The following CRNKL1 variants were observed in gnomAD, a reference collection of about 807,000 sequenced individuals.
CRNKL1 encodes the protein crooked neck-like protein 1.
A neutral mutation model predicts 103.7 loss-of-function variants in CRNKL1; 35 were observed. The ratio of observed to expected loss-of-function variants is 0.34; its 90% CI spans 0.26 to 0.45. The LOEUF (loss-of-function observed/expected upper bound fraction) is 0.45. Among genes scored for constraint, CRNKL1 ranks in the 20% least tolerant of loss-of-function variants. The pLI, the probability that CRNKL1 is intolerant of heterozygous loss-of-function variation, is 1.00. For missense variants in CRNKL1, 645 were observed against 836.0 expected, an observed-to-expected ratio of 0.77 and a Z score of 2.82; for synonymous variants, 267 against 282.6, an observed-to-expected ratio of 0.94 and a Z score of 0.55.
chr20:20,040,321 CCAAA>C (rs1403083047), intron 10 of CRNKL1, among the ~76,000 whole-genome samples: 1 of 140,676 alleles, frequency 7.1e-6, no homozygotes, highest in African/African-American at 2.7e-5. Flanking sequence ...CAAAAAAAAA[CCAAA>C]CAAACAAAAA....
rs1351824382 is a variant in CRNKL1, at chr20:20,034,759, T to G, written c.*1436A>C. 5.3e-5 allele frequency: 8 copies of G among 152,232 alleles called. No individual in the cohort carries two copies. Among genetic ancestry groups the G allele is most frequent in the Admixed American group, 4.6e-4 (7 of 15,284 alleles). 9.4% of individuals were successfully genotyped at this position (152,232 alleles called of 1,614,324 possible). A position where few individuals can be genotyped will look rare whatever the true frequency, so the allele number is the denominator to read the frequency against. ...GCAGTCAGGCTGAAAACAGATTTTA[T>G]CTCAACAACAGTCCTAGTTTCTTCT... On this transcript the variant is annotated 3_prime_UTR_variant, in exon 14 of 14. Coordinates refer to ENST00000536226, the MANE Select transcript of CRNKL1 (RefSeq NM_001278628.2).
rs753891377 is a variant in CRNKL1 at position 20,037,358 on chromosome 20, C to T, written c.1861G>A (p.Val621Ile). ...GTCTGGACCTTTCTTCTCTTCTTGACTTTCTCTGGCATGAGTTTGTCTACT... is the reference window on the plus strand; with the variant it reads ...GTCTGGACCTTTCTTCTCTTCTTGATTTTCTCTGGCATGAGTTTGTCTACT... Reference protein sequence around the residue: ...ERVDKLMPEKVKKRRKVQTDD... With the variant: ...ERVDKLMPEKIKKRRKVQTDD... The change falls in exon 13 of 14, where the codon GTC (valine) becomes ATC (isoleucine). Residue 621 changes from valine (V) to isoleucine (I), a missense_variant. Transcript: ENST00000536226. 35 of 1,614,060 alleles carry T rather than the reference C, an allele frequency of 2.2e-5. No individual in the cohort carries two copies. Among genetic ancestry groups the T allele is most frequent in the East Asian group, 4.5e-5 (2 of 44,886 alleles).
intron 1 of CRNKL1, 143 bp from the exon 2 acceptor site, chr20:20,050,765 T>C: frequency 4.7e-6 from 3 of 641,324 alleles, no homozygotes; most frequent in Admixed American, 3.5e-5. Flanking sequence ...CATTCCTCCA[T>C]GAGACTGAAA....
At chr20:20,051,616 G>C (rs1467240461) in intron 1 of CRNKL1, among the ~76,000 whole-genome samples, 1 of 152,194 alleles carries the variant, frequency 6.6e-6, no homozygotes, top group Non-Finnish European at 1.5e-5. Flanking sequence ...GTTATGTAAA[G>C]GTCCAGTTCA....
rs888511317 is a variant in CRNKL1, at chr20:20,049,502, A to G, written c.205-71T>C. On this transcript the variant is annotated intron_variant, in intron 2 of 13. Coordinates refer to ENST00000536226, the MANE Select transcript of CRNKL1 (RefSeq NM_001278628.2). Reference sequence around the variant, plus strand: ...AATGACAGCACCCTTGGTCTATTTTAAGTCTTGTACTAAAATGGTTATTCA... The same window carrying G: ...AATGACAGCACCCTTGGTCTATTTTGAGTCTTGTACTAAAATGGTTATTCA... 17 of 765,430 alleles carry G rather than the reference A, an allele frequency of 2.2e-5. No individual in the cohort carries two copies. The South Asian group carries it at 2.8e-4, about 12-fold the overall frequency. 47.4% of individuals were successfully genotyped at this position (765,430 alleles called of 1,614,324 possible).
At chr20:20,038,035 C>T (rs1169499789) in intron 12 of CRNKL1, among the ~76,000 whole-genome samples, 3 of 150,772 alleles carry the variant, frequency 2.0e-5, no homozygotes, top group Non-Finnish European at 4.4e-5. Context: ...TGCAGTGAGC[C>T]GAGATAACGC....
In CRNKL1 at chr20:20,037,339, A is replaced by G. The variant is rs1043761510; in HGVS notation, c.1880T>C (p.Val627Ala). 1.2e-6 allele frequency: 2 copies of G among 1,613,948 alleles called. No individual in the cohort carries two copies. The highest frequency in any genetic ancestry group is 1.7e-6 in the Non-Finnish European group (2 of 1,180,006). The change falls in exon 13 of 14, where the codon GTC (valine) becomes GCC (alanine). Residue 627 changes from valine to alanine, a missense_variant. Val to Ala is a moderately conservative substitution (Grantham distance 64). Transcript: ENST00000536226. ...MPEKVKKRRK[V>A]QTDDGSDAGW... The stretch of plus-strand genomic sequence containing the variant: ...AGTTCTTACCCCATCATCAGTCTGG[A>G]CCTTTCTTCTCTTCTTGACTTTCTC...
intron 2 of CRNKL1, 96 bp from the exon 3 acceptor site, chr20:20,049,527 A>C (rs2043651339): frequency 1.6e-6 from 1 of 638,944 alleles, no homozygotes; most frequent in East Asian, 2.7e-5. Flanking sequence ...ATGGTTATTC[A>C]TTTTGTTCAT....
At chr20:20,038,219 T>G (rs2043453808) in intron 12 of CRNKL1, 130 bp downstream of exon 12, 1 of 612,282 alleles carries the variant, frequency 1.6e-6, no homozygotes, top group African/African-American at 1.9e-5. Flanking sequence ...ACGTTTCTCT[T>G]GAAAAGCAAG....
intron 1 of CRNKL1, among the ~76,000 whole-genome samples, chr20:20,051,852 G>A (rs2043751554): frequency 6.6e-6 from 1 of 152,084 alleles, no homozygotes; most frequent in Non-Finnish European, 1.5e-5. Context: ...CAGCTTAAAG[G>A]TCATTTCCTC....
In CRNKL1 at chr20:20,036,372, T is replaced by TA. The variant is rs753223952; in HGVS notation, c.1897-11dup. The TA allele has an allele frequency of 6.2e-7, 1 of 1,613,652 alleles. No homozygotes were observed. Among genetic ancestry groups the TA allele is most frequent in the Non-Finnish European group, 8.5e-7 (1 of 1,179,784 alleles). Reference sequence around the variant, plus strand: ...CCCAGCCTGCATCAGACTACAGAAATAAAAAATGAAAAGATAAGCAAACGT... The same window carrying TA: ...CCCAGCCTGCATCAGACTACAGAAATAAAAAAATGAAAAGATAAGCAAACGT... On this transcript the variant is annotated splice_polypyrimidine_tract_variant and intron_variant, in intron 13 of 13. Coordinates refer to ENST00000536226, the MANE Select transcript of CRNKL1 (RefSeq NM_001278628.2).
chr20:20,051,151 C>T (rs917803230), intron 1 of CRNKL1, among the ~76,000 whole-genome samples: 5 of 152,184 alleles, frequency 3.3e-5, no homozygotes, highest in African/African-American at 9.7e-5. Flanking sequence ...TAGAGCTGTG[C>T]TGTCCAACAC....
In CRNKL1 at chr20:20,047,877, C is replaced by T; in HGVS notation, c.510G>A (p.Gln170=). ...GCCACTCCATCCAGCGCTCAAACACCTGCCGGGCACCGGCAACGTTTCCCA... is the reference window on the plus strand; with the variant it reads ...GCCACTCCATCCAGCGCTCAAACACTTGCCGGGCACCGGCAACGTTTCCCA... The part of the protein sequence containing the change: ...EMLGNVAGAR[Q]VFERWMEWQP... Residue 170 remains glutamine, a synonymous_variant, in exon 5 of 14, where the codon CAG becomes CAA. Coordinates refer to ENST00000536226, the MANE Select transcript of CRNKL1 (RefSeq NM_001278628.2). The T allele has an allele frequency of 1.2e-6, 2 of 1,614,264 alleles. No individual in the cohort carries two copies. Among genetic ancestry groups the T allele is most frequent in the South Asian group, 2.2e-5 (2 of 91,088 alleles).
chr20:20,039,949 T>A, intron 10 of CRNKL1, 101 bp from the exon 11 acceptor site: 2 of 1,245,558 alleles, frequency 1.6e-6, no homozygotes, highest in Admixed American at 4.3e-5. Context: ...GGAAGAATCT[T>A]GCAAAGTCAA....
chr20:20,040,826 T>A, intron 9 of CRNKL1, 60 bp from the exon 10 acceptor site: 1 of 1,187,858 alleles, frequency 8.4e-7, no homozygotes, highest in Non-Finnish European at 1.2e-6. Flanking sequence ...TAAATTGAAT[T>A]AAAATTAATT....
At chr20:20,050,239 G>A (rs1313897462) in intron 2 of CRNKL1, among the ~76,000 whole-genome samples, 1 of 152,186 alleles carries the variant, frequency 6.6e-6, no homozygotes, top group Non-Finnish European at 1.5e-5. Flanking sequence ...CTTTGATTCA[G>A]CATCAAAAAT....
At position 20,045,438 on chromosome 20, in the gene CRNKL1, A is replaced by T; in HGVS notation, c.671T>A (p.Phe224Tyr). Residue 224 changes from phenylalanine (F) to tyrosine (Y), a missense_variant, in exon 6 of 14, where the codon TTT (phenylalanine) becomes TAT (tyrosine). Phe to Tyr is a conservative substitution (Grantham distance 22). Coordinates refer to ENST00000536226, the MANE Select transcript of CRNKL1 (RefSeq NM_001278628.2). The stretch of plus-strand genomic sequence containing the variant: ...GGCAAAATAAGCATGTTTTTCTTCA[A>T]AGCGGGCATACTTGATCCAGTTCTT... ...DVKNWIKYARFEEKHAYFAHA... is the reference protein window; with the variant it reads ...DVKNWIKYARYEEKHAYFAHA... The T allele has an allele frequency of 6.2e-7, 1 of 1,613,410 alleles. No individual in the cohort carries two copies. Among genetic ancestry groups the T allele is most frequent in the Non-Finnish European group, 8.5e-7 (1 of 1,179,784 alleles).
chr20:20,052,728 A>G (rs1359146400), upstream of CRNKL1: 5 of 1,599,306 alleles, frequency 3.1e-6, no homozygotes, highest in African/African-American at 2.7e-5. Flanking sequence ...GCGCCCTGCA[A>G]GGGAGTAAGA....
chr20:20,045,667 G>A (rs1053707484), intron 5 of CRNKL1, among the ~76,000 whole-genome samples, 181 bp from the exon 6 acceptor site: 11 of 152,288 alleles, frequency 7.2e-5, no homozygotes, highest in African/African-American at 1.9e-4. Flanking sequence ...GCAGGGCCAC[G>A]CCTGTTCATC....
Sources: gnomAD v4.1 joint callset for allele counts (sites outside exome capture counted in the v4.1 genomes callset) on GRCh38, gnomAD v4.1.1 for gene constraint, MANE v1.5 for transcripts, NCBI Gene and HGNC (gene_info 2026-07-23, HGNC 2026-07-21) for gene names.